Variants in RHOF observed in about 807,000 individuals in gnomAD.
RHOF encodes ras homolog family member F, filopodia associated.
In RHOF, 21 loss-of-function variants were observed where a neutral mutation model predicts 22.2. The ratio of observed to expected loss-of-function variants is 0.95; its 90% CI spans 0.67 to 1.36. The LOEUF (loss-of-function observed/expected upper bound fraction) is 1.36, where lower values mean the gene tolerates loss of function less well. Ranked by LOEUF, RHOF falls within the 40% of genes most tolerant of loss-of-function variation. The probability of loss-of-function intolerance (pLI) is 0.00; values close to 1 mark genes in which losing one functional copy is unlikely to be tolerated. For synonymous variants in RHOF, 135 were observed against 131.2 expected (o/e 1.03, Z -0.20); for missense variants, 285 against 293.7 (o/e 0.97, Z 0.22).
At chr12:121,790,220 C>A (rs1433627475) in intron 2 of RHOF, among the ~76,000 whole-genome samples, 1 of 152,268 alleles carries the variant, frequency 6.6e-6, no homozygotes, top group South Asian at 2.1e-4. Flanking sequence ...AGCGTTTGGT[C>A]CTGGGTGTGG....
At chr12:121,788,111 A>G (rs1255270213) in intron 2 of RHOF, among the ~76,000 whole-genome samples, 1 of 152,128 alleles carries the variant, frequency 6.6e-6, no homozygotes, top group Non-Finnish European at 1.5e-5. Context: ...TCTTTCCCCC[A>G]AAAGCCCTAC....
chr12:121,783,321 C>CG, intron 2 of RHOF, among the ~76,000 whole-genome samples: 1 of 147,846 alleles, frequency 6.8e-6, no homozygotes, highest in Non-Finnish European at 1.5e-5. Context: ...CTATTGCCCC[C>CG]CCCCCCACCT....
chr12:121,793,180 C>T lies in RHOF; in HGVS notation c.198G>A (p.Glu66=), dbSNP rs1379570710. ...YTASVTVGSK[E]VTLNLYDTAG... Reference sequence around the variant, plus strand: ...CCGTGTCGTAGAGGTTCAGGGTCACCTCCTTGCTGCCAACGGTCACGCTGG... The same window carrying T: ...CCGTGTCGTAGAGGTTCAGGGTCACTTCCTTGCTGCCAACGGTCACGCTGG... The change falls in exon 2 of 5, where the codon GAG becomes GAA. Residue 66 remains glutamate (E), a synonymous_variant. Transcript: ENST00000267205. 6.4e-7 allele frequency: 1 copy of T among 1,550,756 alleles called. No individual in the cohort carries two copies. The highest frequency in any genetic ancestry group is 1.4e-5 in the African/African-American group (1 of 73,180).
In RHOF at chr12:121,793,617, GC is replaced by G; in HGVS notation, c.16del (p.Ala6ProfsTer15). On this transcript the variant is annotated frameshift_variant, in exon 1 of 5. Coordinates refer to ENST00000267205, the MANE Select transcript of RHOF (RefSeq NM_019034.3). LOFTEE classifies it high-confidence loss of function. ...ACCGGGGGCGGCGGTCTGGGCCAGG[GC>G]CCCGGGGGCATCCATTGCCCGGAGC... MDAPG[A>X]LAQTAAPGPG... is the part of the protein sequence containing the mutation. The G allele has an allele frequency of 6.5e-7, 1 of 1,545,106 alleles. No individual in the cohort carries two copies.
rs767468444 is a variant in RHOF, at chr12:121,781,155, G to A, written c.264C>T (p.Tyr88=). The A allele has an allele frequency of 6.2e-7, 1 of 1,614,232 alleles. No homozygotes were observed. Among genetic ancestry groups the A allele is most frequent in the South Asian group, 1.1e-5 (1 of 91,090 alleles). ...AGATGAGCACGAGGTGGGTGTTCTG[G>A]TAGGACAGGGGCCGCAGCCGGTCAT... ...EDYDRLRPLS[Y]QNTHLVLICY... is the part of the protein sequence containing the mutation. The change falls in exon 3 of 5, where the codon TAC becomes TAT. Residue 88 remains tyrosine, a synonymous_variant. Transcript: ENST00000267205.
At chr12:121,792,295 G>A (rs1874785598) in intron 2 of RHOF, among the ~76,000 whole-genome samples, 1 of 152,218 alleles carries the variant, frequency 6.6e-6, no homozygotes, top group African/African-American at 2.4e-5. Context: ...TCACAGAGGT[G>A]GGGTGAGGCC....
At chr12:121,789,625 G>C (rs928092614) in intron 2 of RHOF, among the ~76,000 whole-genome samples, 2 of 152,090 alleles carry the variant, frequency 1.3e-5, no homozygotes, top group African/African-American at 4.8e-5. Flanking sequence ...CACTCTGCTG[G>C]GGGCCGCCCA....
intron 2 of RHOF, among the ~76,000 whole-genome samples, chr12:121,788,299 C>T (rs1874667058): frequency 6.6e-6 from 1 of 152,144 alleles, no homozygotes; most frequent in Non-Finnish European, 1.5e-5. Context: ...CCTCACCCTA[C>T]TTGTCCCAGC....
rs1433867733 is a variant in RHOF at position 121,778,558 on chromosome 12, AGTTCTGAGAAACT to A, written c.*927_*939del. On this transcript the variant is annotated 3_prime_UTR_variant, in exon 5 of 5. Transcript: ENST00000267205. ...TGGTGACACAGGTGGTCTATGAACCAGTTCTGAGAAACTGTCCCGCGTGGACAGGGGGTAGATC... is the reference window on the plus strand; with the variant it reads ...TGGTGACACAGGTGGTCTATGAACCAGTCCCGCGTGGACAGGGGGTAGATC... 6.6e-6 allele frequency: 1 copy of A among 152,048 alleles called. No homozygotes were observed. Among genetic ancestry groups the A allele is most frequent in the Non-Finnish European group, 1.5e-5 (1 of 68,064 alleles). The allele number at this position is 152,048 out of a possible 1,614,324, so 9.4% of individuals were successfully genotyped here.
chr12:121,779,416 G>A lies in RHOF; in HGVS notation c.*82C>T. Reference sequence around the variant, plus strand: ...CCAGACACCATGAGCTGGAGGGTCGGGATGGGGCAGCCTCCCTGGTGCAAT... The same window carrying A: ...CCAGACACCATGAGCTGGAGGGTCGAGATGGGGCAGCCTCCCTGGTGCAAT... On this transcript the variant is annotated 3_prime_UTR_variant, in exon 5 of 5. Coordinates refer to ENST00000267205, the MANE Select transcript of RHOF (RefSeq NM_019034.3). 1 of 1,483,092 alleles carries A rather than the reference G, an allele frequency of 6.7e-7. No individual in the cohort carries two copies. The highest frequency in any genetic ancestry group is 1.2e-5 in the South Asian group (1 of 84,740). The allele number at this position is 1,483,092 out of a possible 1,614,324, so 91.9% of individuals were successfully genotyped here.
intron 1 of RHOF, 118 bp from the exon 2 acceptor site, chr12:121,793,357 G>T (rs1249003620): frequency 2.1e-6 from 3 of 1,428,556 alleles, no homozygotes; most frequent in Non-Finnish European, 2.9e-6. Context: ...ACCCCGCTGG[G>T]CTCTGGAATT....
intron 2 of RHOF, among the ~76,000 whole-genome samples, chr12:121,791,520 T>A (rs943571826): frequency 6.6e-6 from 1 of 152,194 alleles, no homozygotes; most frequent in Non-Finnish European, 1.5e-5. Flanking sequence ...GGGATCCCCA[T>A]GGTGCCAGTG....
chr12:121,790,302 C>T (rs541722138), intron 2 of RHOF, among the ~76,000 whole-genome samples: 46 of 152,370 alleles, frequency 3.0e-4, no homozygotes, highest in Non-Finnish European at 2.4e-4. Context: ...ATGCCCCTTC[C>T]GCCACTGTGT....
intron 2 of RHOF, among the ~76,000 whole-genome samples, chr12:121,788,988 C>G (rs944182173): frequency 1.3e-5 from 2 of 152,140 alleles, no homozygotes; most frequent in African/African-American, 4.8e-5. Flanking sequence ...TAAAATGATA[C>G]CAGGGCTGAA....
Position 121,793,667 on chromosome 12 carries a change from C to T in RHOF, c.-34G>A, listed in dbSNP as rs2707066. 1,219,178 of 1,502,452 alleles carry T rather than the reference C, an allele frequency of 0.81. 497,050 individuals are homozygous for T. Among genetic ancestry groups the T allele is most frequent in the East Asian group, 0.97 (37,833 of 38,836 alleles). The allele number at this position is 1,502,452 out of a possible 1,614,324, so 93.1% of individuals were successfully genotyped here. A position where few individuals can be genotyped will look rare whatever the true frequency, so the allele number is the denominator to read the frequency against. On this transcript the variant is annotated 5_prime_UTR_variant, in exon 1 of 5. Transcript: ENST00000267205. ...GCCCGCAGCACTGGCGGCGGCGCGC[C>T]GGGCACTAGCGGAGCCAAGAGGTCG...
chr12:121,792,827 G>C (rs1259468235), intron 2 of RHOF, among the ~76,000 whole-genome samples: 1 of 152,258 alleles, frequency 6.6e-6, no homozygotes, highest in Non-Finnish European at 1.5e-5. Context: ...ACAGCAGGTA[G>C]CGCAGCAATC....
intron 2 of RHOF, among the ~76,000 whole-genome samples, chr12:121,786,623 G>A (rs1309917757): frequency 6.6e-6 from 1 of 152,172 alleles, no homozygotes; most frequent in African/African-American, 2.4e-5. Context: ...CTCCTTCAGG[G>A]CTCTATGGAA....
At chr12:121,790,649 G>A (rs1235370906) in intron 2 of RHOF, among the ~76,000 whole-genome samples, 1 of 152,204 alleles carries the variant, frequency 6.6e-6, no homozygotes, top group Non-Finnish European at 1.5e-5. Flanking sequence ...GGAGCAGCCA[G>A]ATCTCTTCTC....
In RHOF at chr12:121,790,148, GAC is replaced by G. The variant is rs1410538929; in HGVS notation, c.226+3002_226+3003del. On this transcript the variant is annotated intron_variant, in intron 2 of 4. Coordinates refer to ENST00000267205, the MANE Select transcript of RHOF (RefSeq NM_019034.3). ...TCTGTAACTACTTCCTCAGGAGGGA[GAC>G]AGCCACACGGGCCTTCCACGAGGGC... Among the ~76,000 whole-genome samples the G allele has an allele frequency of 3.9e-5, 6 of 152,324 alleles. No individual in the cohort carries two copies. In the East Asian group the frequency reaches 7.7e-4, roughly 20 times the overall value.
Sources: gnomAD v4.1 joint callset for allele counts (sites outside exome capture counted in the v4.1 genomes callset) on GRCh38, gnomAD v4.1.1 for gene constraint, MANE v1.5 for transcripts, NCBI Gene and HGNC (gene_info 2026-07-23, HGNC 2026-07-21) for gene names.